BBIP1: variants seen among roughly 807,000 people sequenced by gnomAD.
BBIP1 encodes the protein BBSome interacting protein 1.
Under a neutral mutation model 8.9 loss-of-function variants are expected in BBIP1, and 6 were observed. The observed-to-expected ratio is 0.67, with a 90% CI of 0.37 to 1.33. BBIP1 has a LOEUF of 1.33. Ranked by LOEUF, BBIP1 falls within the 40% of genes most tolerant of loss-of-function variation. The pLI is 0.02. For synonymous variants in BBIP1, 32 were observed against 33.4 expected (o/e 0.96, Z 0.14); for missense variants, 111 against 109.2 (o/e 1.02, Z -0.07).
In BBIP1 at chr10:110,900,419, G is replaced by A; in HGVS notation, c.220C>T (p.Gln74Ter). The A allele has an allele frequency of 6.5e-7, 1 of 1,535,862 alleles. No individual in the cohort carries two copies. Among genetic ancestry groups the A allele is most frequent in the Non-Finnish European group, 8.7e-7 (1 of 1,146,838 alleles). Residue 74 changes from glutamine (Q) to a stop codon, truncating the protein, a stop_gained, in exon 4 of 4, where the codon CAG (glutamine) becomes TAG (stop). Transcript: ENST00000448814. LOFTEE classifies it high-confidence loss of function. ...EKLEKMHQAA[Q>*]NTIRQQEMAE... ...ATTTCTTGTTGGCGAATTGTATTCT[G>A]TGCTGCTTGATGCATTTTCTCTAGT...
chr10:110,905,322 G>A (rs975263197), intron 2 of BBIP1, among the ~76,000 whole-genome samples: 1 of 151,926 alleles, frequency 6.6e-6, no homozygotes, highest in African/African-American at 2.4e-5. Flanking sequence ...CCAGCACTTT[G>A]GGAGGCCAGG....
chr10:110,917,626 T>G (rs963212252), intron 2 of BBIP1, among the ~76,000 whole-genome samples: 1 of 152,234 alleles, frequency 6.6e-6, no homozygotes, highest in Non-Finnish European at 1.5e-5. Context: ...GGCGCTCAGC[T>G]GAATTTCTGA....
chr10:110,906,740 A>C (rs1407945365), intron 2 of BBIP1: 1 of 152,126 alleles, frequency 6.6e-6, no homozygotes, highest in Non-Finnish European at 1.5e-5. Flanking sequence ...TTGTATTTTC[A>C]GTAGAGACAG....
At position 110,899,006 on chromosome 10, in the gene BBIP1, A is replaced by G. The variant is rs1237391718; in HGVS notation, c.*1354T>C. ...GTTTTAGAAATATGTAATACCTTCC[A>G]TCATTCCATCATCCTTAAATTCTGT... On this transcript the variant is annotated 3_prime_UTR_variant, in exon 4 of 4. Transcript: ENST00000448814. 1 of 152,194 alleles carries G rather than the reference A, an allele frequency of 6.6e-6. No homozygotes were observed. The highest frequency in any genetic ancestry group is 1.5e-5 in the Non-Finnish European group (1 of 68,030). The allele number at this position is 152,194 out of a possible 1,614,324, so 9.4% of individuals were successfully genotyped here. A position where few individuals can be genotyped will look rare whatever the true frequency, so the allele number is the denominator to read the frequency against.
At chr10:110,918,768 C>T (rs1846515615) in intron 1 of BBIP1, 1 of 152,558 alleles carries the variant, frequency 6.6e-6, no homozygotes, top group Non-Finnish European at 1.5e-5. Flanking sequence ...CTGAGCCCCG[C>T]TCGCCATTTC....
chr10:110,905,197 TGA>T (rs1340778626), intron 2 of BBIP1, among the ~76,000 whole-genome samples: 11 of 151,874 alleles, frequency 7.2e-5, no homozygotes, highest in African/African-American at 2.7e-4. Context: ...GTTTTAGGAG[TGA>T]GAGTTAAAAC....
At position 110,900,318 on chromosome 10, in the gene BBIP1, AG is replaced by A; in HGVS notation, c.*41del. ...GCATATTTTCTAGTTATTGTTAAAT[AG>A]TAGATAAGGCAGGTTGTTCCCTAAA... On this transcript the variant is annotated 3_prime_UTR_variant, in exon 4 of 4. Transcript: ENST00000448814. The A allele has an allele frequency of 6.7e-7, 1 of 1,484,684 alleles. No individual in the cohort carries two copies. 92.0% of individuals were successfully genotyped at this position (1,484,684 alleles called of 1,614,324 possible).
At chr10:110,901,280 C>T (rs1011624376) in intron 3 of BBIP1, 5 of 456,260 alleles carry the variant, frequency 1.1e-5, no homozygotes, top group South Asian at 1.1e-4. Flanking sequence ...CAACCTGTCT[C>T]TTAAAAAAAA....
At chr10:110,908,911 G>A (rs541765325) in intron 2 of BBIP1, among the ~76,000 whole-genome samples, 1 of 152,274 alleles carries the variant, frequency 6.6e-6, no homozygotes, top group Admixed American at 6.5e-5. Flanking sequence ...GAATGAGAAT[G>A]ACCTGAACAG....
intron 2 of BBIP1, chr10:110,907,794 G>A (rs1202248415): frequency 1.4e-6 from 1 of 701,382 alleles, no homozygotes; most frequent in Non-Finnish European, 2.6e-6. Context: ...AGATGTTAAT[G>A]GACTTTCTGA....
intron 2 of BBIP1, among the ~76,000 whole-genome samples, chr10:110,905,906 AAG>A (rs1846121763): frequency 7.4e-6 from 1 of 135,232 alleles, no homozygotes; most frequent in East Asian, 2.3e-4. Flanking sequence ...CATTAATAAA[AAG>A]AAGATCATTT....
chr10:110,916,902 A>C (rs1161362649), intron 2 of BBIP1, among the ~76,000 whole-genome samples: 1 of 152,238 alleles, frequency 6.6e-6, no homozygotes, highest in Admixed American at 6.5e-5. Context: ...AGGGGTAAGC[A>C]TGCTAAGAAG....
At chr10:110,903,925 G>GCTCAT (rs1846068346) in intron 2 of BBIP1, 1 of 152,170 alleles carries the variant, frequency 6.6e-6, no homozygotes, top group Non-Finnish European at 1.5e-5. Context: ...GCATTACAAC[G>GCTCAT]GGGTATGACA....
chr10:110,905,222 T>C (rs1846100141), intron 2 of BBIP1, among the ~76,000 whole-genome samples: 1 of 152,208 alleles, frequency 6.6e-6, no homozygotes, highest in Non-Finnish European at 1.5e-5. Context: ...AGGTCTAGGA[T>C]GGATTATTGC....
intron 2 of BBIP1, among the ~76,000 whole-genome samples, chr10:110,913,535 T>C (rs899382072): frequency 3.3e-5 from 5 of 152,198 alleles, no homozygotes; most frequent in African/African-American, 1.2e-4. Flanking sequence ...TTAAAAAGTA[T>C]GATAATAAAG....
In BBIP1 at chr10:110,910,385, G is replaced by A. The variant is rs145136608; in HGVS notation, c.37+7736C>T. Among the ~76,000 whole-genome samples, 22 of 152,326 alleles carry A rather than the reference G, an allele frequency of 1.4e-4. 1 individual carries two copies. In the East Asian group the frequency reaches 4.2e-3, roughly 29 times the overall value. On this transcript the variant is annotated intron_variant, in intron 2 of 3. Coordinates refer to ENST00000448814, the MANE Select transcript of BBIP1 (RefSeq NM_001195305.3). ...CAGTTCACACTCAGTCTGCAACGCT[G>A]AATTTGGACTTCATATCCTATAGTC... is the stretch of plus-strand genomic sequence containing the variant.
At chr10:110,908,849 T>G (rs1846205600) in intron 2 of BBIP1, among the ~76,000 whole-genome samples, 1 of 149,388 alleles carries the variant, frequency 6.7e-6, no homozygotes, top group African/African-American at 2.5e-5. Flanking sequence ...CTAACCAAAC[T>G]GCAATCAAAT....
At chr10:110,917,194 A>AT (rs67066048) in intron 2 of BBIP1, among the ~76,000 whole-genome samples, 53,002 of 107,244 alleles carry the variant, frequency 0.49, 15,457 homozygotes, top group Non-Finnish European at 0.64. Flanking sequence ...CTGGATCCTG[A>AT]TTTTTTTTTT....
intron 2 of BBIP1, among the ~76,000 whole-genome samples, chr10:110,908,466 G>C (rs1230232010): frequency 6.6e-6 from 1 of 152,172 alleles, no homozygotes; most frequent in African/African-American, 2.4e-5. Flanking sequence ...GAACAAAACT[G>C]AAGTATTCAA....
Sources: allele counts gnomAD v4.1 joint callset (sites outside exome capture counted in the v4.1 genomes callset), GRCh38; gene constraint gnomAD v4.1.1; transcripts MANE v1.5; gene names NCBI Gene and HGNC (gene_info 2026-07-23, HGNC 2026-07-21).